LCA5: variants seen among roughly 807,000 people sequenced by gnomAD.
LCA5 encodes the protein lebercilin LCA5.
Under a neutral mutation model 53.0 loss-of-function variants are expected in LCA5, and 37 were observed. The observed-to-expected ratio is 0.70, with a 90% CI of 0.54 to 0.92. The LOEUF is 0.92. Among genes scored for constraint, LCA5 ranks in the 40% least tolerant of loss-of-function variants. The pLI is 0.00. For missense variants in LCA5, 806 were observed against 790.5 expected, an observed-to-expected ratio of 1.02 and a Z score of -0.23; for synonymous variants, 303 against 282.9, an observed-to-expected ratio of 1.07 and a Z score of -0.71.
intron 3 of LCA5, among the ~76,000 whole-genome samples, chr6:79,495,146 A>C (rs890013128): frequency 5.9e-5 from 9 of 152,198 alleles, no homozygotes; most frequent in Non-Finnish European, 1.0e-4. Context: ...TAGGAGTACA[A>C]ACCCTATTGT....
intron 1 of LCA5, among the ~76,000 whole-genome samples, chr6:79,529,522 T>G (rs1766891999): frequency 6.6e-6 from 1 of 152,036 alleles, no homozygotes; most frequent in East Asian, 1.9e-4. Flanking sequence ...AGGAAGGAGA[T>G]GGGGTAATCC....
chr6:79,487,011 A>G lies in LCA5; in HGVS notation c.2087T>C (p.Leu696Pro), dbSNP rs758968702. The change falls in exon 8 of 8, where the codon CTG (leucine) becomes CCG (proline). Residue 696 changes from leucine (L) to proline (P), a missense_variant. By Grantham distance (98) the Leu-to-Pro change is moderately conservative. Transcript: ENST00000369846. ...AATGTATACTCTAGTCAGTCATCTC[A>G]GTGCTACTTCTTCAATTTCATCTTC... ...SVEDEIEEVA[L>P]R 5 of 1,612,558 alleles carry G rather than the reference A, an allele frequency of 3.1e-6. No homozygotes were observed. Among genetic ancestry groups the G allele is most frequent in the Non-Finnish European group, 4.2e-6 (5 of 1,179,264 alleles).
rs748925713 is a variant in LCA5 at position 79,487,327 on chromosome 6, C to G, written c.1771G>C (p.Gly591Arg). The change falls in exon 8 of 8, where the codon GGT becomes CGT. Residue 591 changes from glycine (G) to arginine (R), a missense_variant. Physicochemically the swap from Gly to Arg is moderately radical, Grantham distance 125 (BLOSUM62 -2). Transcript: ENST00000369846. ...TCTTTTCTTGTAATTAAATCTACAC[C>G]ATCTTTACTAAGTTTTTCCATACTG... ...RNSMEKLSKD[G>R]VDLITRKEKK... 2 of 1,613,906 alleles carry G rather than the reference C, an allele frequency of 1.2e-6. No homozygotes were observed. The highest frequency in any genetic ancestry group is 1.7e-6 in the Non-Finnish European group (2 of 1,179,840).
At chr6:79,489,330 A>AT in intron 6 of LCA5, 114 bp from the exon 7 acceptor site, 1 of 1,066,242 alleles carries the variant, frequency 9.4e-7, no homozygotes, top group Non-Finnish European at 1.4e-6. Flanking sequence ...ATTAATACAA[A>AT]TTTTCAATTA....
intron 2 of LCA5, among the ~76,000 whole-genome samples, chr6:79,517,860 C>T (rs1042704205): frequency 5.9e-5 from 9 of 152,122 alleles, no homozygotes; most frequent in Admixed American, 2.0e-4. Flanking sequence ...GGATGCAAGG[C>T]ATTTCATAAT....
intron 2 of LCA5, among the ~76,000 whole-genome samples, chr6:79,516,980 CA>C (rs148448713): frequency 6.6e-6 from 1 of 150,926 alleles, no homozygotes; most frequent in South Asian, 2.1e-4. Flanking sequence ...GAATTTTATG[CA>C]AAAAAAAGTA....
chr6:79,493,071 AAC>A (rs201337153), intron 4 of LCA5, among the ~76,000 whole-genome samples: 1,795 of 152,238 alleles, frequency 0.012, 43 homozygotes, highest in African/African-American at 0.041. Context: ...GAATTTGATT[AAC>A]AAAAAGAAAA....
chr6:79,513,118 T>A (rs1365319159), intron 3 of LCA5, 94 bp downstream of exon 3: 1 of 1,232,548 alleles, frequency 8.1e-7, no homozygotes, highest in Non-Finnish European at 1.2e-6. Flanking sequence ...TCCAAGCAAA[T>A]ACCAAACTGC....
chr6:79,538,031 T>TTTG (rs1767210242), upstream of LCA5, among the ~76,000 whole-genome samples: 1 of 108,904 alleles, frequency 9.2e-6, no homozygotes, highest in Non-Finnish European at 2.0e-5. Context: ...TTTTTTTTTT[T>TTTG]TTTTTTTTTT....
intron 3 of LCA5, among the ~76,000 whole-genome samples, chr6:79,494,231 C>G (rs556697940): frequency 3.1e-4 from 45 of 147,186 alleles, no homozygotes; most frequent in Non-Finnish European, 5.5e-4. Flanking sequence ...ACAAGACTAT[C>G]TTAAAAAAAA....
chr6:79,518,237 C>T (rs1766502639), intron 2 of LCA5, among the ~76,000 whole-genome samples: 1 of 152,044 alleles, frequency 6.6e-6, no homozygotes, highest in Non-Finnish European at 1.5e-5. Context: ...GCCCCAATTC[C>T]ATTCCTAGGT....
rs750308308 is a variant in LCA5, at chr6:79,513,624, C to T, written c.308G>A (p.Arg103Gln). The part of the protein sequence containing the change: ...LRKDTDLVTK[R>Q]ILSARLLKIN... ...TTTTAGCAGTCTTGCAGACAGAATCCGTTTTGTAACAAGATCAGTATCTTT... is the reference window on the plus strand; with the variant it reads ...TTTTAGCAGTCTTGCAGACAGAATCTGTTTTGTAACAAGATCAGTATCTTT... Residue 103 changes from arginine to glutamine, a missense_variant, in exon 3 of 8, where the codon CGG becomes CAG. Physicochemically the swap from Arg to Gln is conservative, Grantham distance 43. Transcript: ENST00000369846. 1.9e-5 allele frequency: 31 copies of T among 1,613,642 alleles called. No homozygotes were observed. In the Admixed American group the frequency reaches 2.5e-4, roughly 13 times the overall value.
intron 6 of LCA5, 92 bp downstream of exon 6, chr6:79,491,496 G>C (rs1364286394): frequency 7.7e-7 from 1 of 1,300,424 alleles, no homozygotes; most frequent in Non-Finnish European, 1.1e-6. Context: ...TATAGTACTA[G>C]CTTCATTACT....
At chr6:79,517,278 T>C (rs965284019) in intron 2 of LCA5, among the ~76,000 whole-genome samples, 5 of 152,074 alleles carry the variant, frequency 3.3e-5, no homozygotes, top group South Asian at 2.1e-4. Context: ...GGAACTGTTT[T>C]TCACAGCTTT....
intron 1 of LCA5, among the ~76,000 whole-genome samples, chr6:79,521,460 A>T (rs1051512055): frequency 1.3e-5 from 2 of 152,194 alleles, no homozygotes; most frequent in African/African-American, 4.8e-5. Context: ...ATATTTTGCT[A>T]CTCAGATATT....
intron 3 of LCA5, among the ~76,000 whole-genome samples, chr6:79,501,293 T>A (rs1770132089): frequency 6.6e-6 from 1 of 152,124 alleles, no homozygotes; most frequent in Non-Finnish European, 1.5e-5. Flanking sequence ...GTCAAGAACA[T>A]ATCCATCCAT....
intron 3 of LCA5, among the ~76,000 whole-genome samples, chr6:79,501,196 C>T (rs563630178): frequency 6.6e-6 from 1 of 152,068 alleles, no homozygotes; most frequent in Non-Finnish European, 1.5e-5. Flanking sequence ...CTTTATCTTG[C>T]TTATTTTAGG....
At chr6:79,527,038 T>C (rs1308264841) in intron 1 of LCA5, among the ~76,000 whole-genome samples, 1 of 152,194 alleles carries the variant, frequency 6.6e-6, no homozygotes, top group Non-Finnish European at 1.5e-5. Flanking sequence ...TCCAGCCTCA[T>C]GATTTCCACT....
At position 79,513,199 on chromosome 6, in the gene LCA5, G is replaced by A; in HGVS notation, c.720+13C>T. 1 of 1,605,822 alleles carries A rather than the reference G, an allele frequency of 6.2e-7. No homozygotes were observed. Among genetic ancestry groups the A allele is most frequent in the Non-Finnish European group, 8.5e-7 (1 of 1,173,012 alleles). ...TCCCAAGAAAGTACAATTAGAAGCTGTAGAAATTGTACCTTAATTCTTCTC... is the reference window on the plus strand; with the variant it reads ...TCCCAAGAAAGTACAATTAGAAGCTATAGAAATTGTACCTTAATTCTTCTC... On this transcript the variant is annotated intron_variant, in intron 3 of 7. Coordinates refer to ENST00000369846, the MANE Select transcript of LCA5 (RefSeq NM_001122769.3).
Sources: allele counts gnomAD v4.1 joint callset (sites outside exome capture counted in the v4.1 genomes callset), GRCh38; gene constraint gnomAD v4.1.1; transcripts MANE v1.5; gene names NCBI Gene and HGNC (gene_info 2026-07-23, HGNC 2026-07-21).